Variants in VSTM2A observed in about 807,000 individuals in gnomAD.
The protein encoded by VSTM2A is V-set and transmembrane domain containing 2A.
A neutral mutation model predicts 27.3 loss-of-function variants in VSTM2A; 13 were observed. That is an observed-to-expected ratio of 0.48 (90% CI 0.31 to 0.76). The LOEUF is 0.76. VSTM2A is among the 30% of genes least tolerant of loss of function. VSTM2A has a pLI of 0.05. For missense variants in VSTM2A, 280 were observed against 310.0 expected (o/e 0.90, Z 0.73); for synonymous variants, 142 against 125.7 (o/e 1.13, Z -0.87).
intron 4 of VSTM2A, chr7:54,553,951 C>G (rs1345035114): frequency 1.4e-5 from 22 of 1,551,824 alleles, no homozygotes; most frequent in South Asian, 4.8e-5. Context: ...TCACTTTTTT[C>G]TACTGACCCC....
intron 4 of VSTM2A, chr7:54,550,448 A>G (rs1788154647): frequency 1.4e-6 from 1 of 709,972 alleles, no homozygotes. Flanking sequence ...ACACATTATA[A>G]GAACAATAAA....
At chr7:54,542,933 A>T (rs1787832500) in intron 1 of VSTM2A, 124 bp downstream of exon 1, 3 of 894,390 alleles carry the variant, frequency 3.4e-6, no homozygotes, top group Non-Finnish European at 5.2e-6. Context: ...TAGGCTGTAT[A>T]AATAGTGTTC....
At chr7:54,558,800 G>C (rs906333015) in intron 4 of VSTM2A, 1 of 151,956 alleles carries the variant, frequency 6.6e-6, no homozygotes, top group Non-Finnish European at 1.5e-5. Flanking sequence ...CCAAATGAAG[G>C]CCAGTTAAAG....
chr7:54,564,364 G>A (rs1325103214), intron 4 of VSTM2A, among the ~76,000 whole-genome samples: 1 of 152,142 alleles, frequency 6.6e-6, no homozygotes, highest in African/African-American at 2.4e-5. Flanking sequence ...CAGACAAGAA[G>A]AGAAAGAAGA....
At chr7:54,553,721 C>T in intron 4 of VSTM2A, 1 of 1,121,258 alleles carries the variant, frequency 8.9e-7, no homozygotes, top group South Asian at 1.6e-5. Context: ...GCACAACTGA[C>T]TGTGGAAGTC....
chr7:54,547,979 G>A (rs966719098), intron 3 of VSTM2A, among the ~76,000 whole-genome samples: 6 of 152,010 alleles, frequency 3.9e-5, no homozygotes. Context: ...CATAAACTCT[G>A]ATTTAAAACT....
In VSTM2A at chr7:54,546,840, C is replaced by CTGGT. The variant is rs1788009854; in HGVS notation, c.247-107_247-106insTGGT. ...ACGCCCCTGGTCGCTCCCCTGTCCC[C>CTGGT]AGGTCACCCTGACGGCCCTGCCCGG... On this transcript the variant is annotated intron_variant, in intron 2 of 4. Coordinates refer to ENST00000402613, the MANE Select transcript of VSTM2A (RefSeq NM_001301009.2). 14 of 1,480,692 alleles carry CTGGT rather than the reference C, an allele frequency of 9.5e-6. No individual in the cohort carries two copies. In the South Asian group the frequency reaches 1.4e-4, roughly 15 times the overall value. The allele number at this position is 1,480,692 out of a possible 1,614,324, so 91.7% of individuals were successfully genotyped here.
At chr7:54,547,628 AT>A (rs1788045475) in intron 3 of VSTM2A, among the ~76,000 whole-genome samples, 1 of 152,110 alleles carries the variant, frequency 6.6e-6, no homozygotes, top group African/African-American at 2.4e-5. Context: ...TGAAAGTCTT[AT>A]TTTTTTACTA....
At chr7:54,567,880 A>G (rs1422981921) in intron 4 of VSTM2A, among the ~76,000 whole-genome samples, 4 of 151,766 alleles carry the variant, frequency 2.6e-5, no homozygotes, top group Non-Finnish European at 5.9e-5. Flanking sequence ...GATTGTGTAC[A>G]TTTTCCTTGC....
chr7:54,563,379 C>A (rs764336927), intron 4 of VSTM2A, among the ~76,000 whole-genome samples: 2 of 152,100 alleles, frequency 1.3e-5, no homozygotes, highest in African/African-American at 2.4e-5. Context: ...GGGATCACAG[C>A]CAGAGGTAAA....
At chr7:54,558,017 TA>T (rs529758566) in intron 4 of VSTM2A, 96 of 152,294 alleles carry the variant, frequency 6.3e-4, no homozygotes, top group African/African-American at 2.2e-3. Context: ...AAGCACAACA[TA>T]TTAGCCACCA....
At chr7:54,546,825 T>C in intron 2 of VSTM2A, 122 bp from the exon 3 acceptor site, 1 of 1,354,982 alleles carries the variant, frequency 7.4e-7, no homozygotes, top group Non-Finnish European at 9.9e-7. Context: ...ACGCCCCTGG[T>C]CGCTCCCCTG....
chr7:54,559,324 GAATA>G (rs1360296926), intron 4 of VSTM2A: 1 of 152,042 alleles, frequency 6.6e-6, no homozygotes, highest in Non-Finnish European at 1.5e-5. Context: ...GTTTAGGTTT[GAATA>G]AATGAGTTAC....
chr7:54,542,562 A>G lies in VSTM2A; in HGVS notation c.-169A>G. 2 of 623,674 alleles carry G rather than the reference A, an allele frequency of 3.2e-6. No homozygotes were observed. The highest frequency in any genetic ancestry group is 5.7e-6 in the Non-Finnish European group (2 of 351,824). 38.6% of individuals were successfully genotyped at this position (623,674 alleles called of 1,614,324 possible). On this transcript the variant is annotated 5_prime_UTR_variant, in exon 1 of 5. Coordinates refer to ENST00000402613, the MANE Select transcript of VSTM2A (RefSeq NM_001301009.2). ...CCCAGCCAGCTGGTTCTAACCTTCCAGAATCGCAATCCCTTCTCCCCACAG... is the reference window on the plus strand; with the variant it reads ...CCCAGCCAGCTGGTTCTAACCTTCCGGAATCGCAATCCCTTCTCCCCACAG...
intron 4 of VSTM2A, among the ~76,000 whole-genome samples, chr7:54,556,626 G>A (rs564782886): frequency 3.0e-4 from 45 of 152,228 alleles, no homozygotes; most frequent in Non-Finnish European, 5.0e-4. Context: ...TCATATAAAT[G>A]GCAACTATGT....
At chr7:54,543,153 G>A (rs1208497415) in intron 1 of VSTM2A, among the ~76,000 whole-genome samples, 1 of 152,130 alleles carries the variant, frequency 6.6e-6, no homozygotes, top group African/African-American at 2.4e-5. Flanking sequence ...AACAAACACA[G>A]GGCTGGATAC....
At chr7:54,554,056 G>A in intron 4 of VSTM2A, 1 of 1,552,398 alleles carries the variant, frequency 6.4e-7, no homozygotes, top group East Asian at 2.4e-5. Context: ...GTGCAGAGCT[G>A]CGTGCTGGCT....
At chr7:54,550,411 A>G in intron 4 of VSTM2A, 2 of 1,156,626 alleles carry the variant, frequency 1.7e-6, no homozygotes, top group Non-Finnish European at 2.3e-6. Context: ...TGAGAGCTGG[A>G]CTCTGGTTTT....
At chr7:54,560,462 C>T (rs73408515) in intron 4 of VSTM2A, among the ~76,000 whole-genome samples, 11,741 of 152,068 alleles carry the variant, frequency 0.077, 1,264 homozygotes, top group African/African-American at 0.24. Flanking sequence ...AATCATTTTT[C>T]CTGTCAATGA....
Sources: gnomAD v4.1 joint callset for allele counts (sites outside exome capture counted in the v4.1 genomes callset) on GRCh38, gnomAD v4.1.1 for gene constraint, MANE v1.5 for transcripts, NCBI Gene and HGNC (gene_info 2026-07-23, HGNC 2026-07-21) for gene names.